Variants in GPR149 observed in about 807,000 individuals in gnomAD.
GPR149 encodes the protein probable G protein-coupled receptor 149.
In GPR149, 50 loss-of-function variants were observed where a neutral mutation model predicts 50.2. The observed-to-expected ratio is 1.00, with a 90% CI of 0.79 to 1.26. The LOEUF (loss-of-function observed/expected upper bound fraction) is 1.26. GPR149 is among the 50% of genes most tolerant of loss of function. GPR149 has a pLI of 0.00. For missense variants in GPR149, 983 were observed against 895.4 expected (o/e 1.10, Z -1.25); for synonymous variants, 405 against 358.2 (o/e 1.13, Z -1.48).
rs747837516 is a variant in GPR149 at position 154,427,662 on chromosome 3, A to C, written c.1028T>G (p.Leu343Trp). The C allele has an allele frequency of 6.2e-7, 1 of 1,614,158 alleles. No homozygotes were observed. The highest frequency in any genetic ancestry group is 1.7e-5 in the Admixed American group (1 of 60,022). ...QNVVGFQSLPLETFSFLLTLL... is the reference protein window; with the variant it reads ...QNVVGFQSLPWETFSFLLTLL... ...GGTAAGTAGAAAGCTGAATGTCTCCAAGGGAAGGCTCTGAAACCCCACGAC... is the reference window on the plus strand; with the variant it reads ...GGTAAGTAGAAAGCTGAATGTCTCCCAGGGAAGGCTCTGAAACCCCACGAC... Residue 343 changes from leucine (L) to tryptophan (W), a missense_variant, in exon 2 of 4, where the codon TTG becomes TGG. Leu to Trp is a moderately conservative substitution (Grantham distance 61). Transcript: ENST00000389740.
chr3:154,344,247 A>T (rs1713872004), intron 3 of GPR149, among the ~76,000 whole-genome samples: 1 of 152,198 alleles, frequency 6.6e-6, no homozygotes, highest in Non-Finnish European at 1.5e-5. Flanking sequence ...ATCTCAGGAA[A>T]CAATAACAAC....
At chr3:154,356,600 G>A (rs991551829) in intron 3 of GPR149, among the ~76,000 whole-genome samples, 29 of 152,058 alleles carry the variant, frequency 1.9e-4, no homozygotes, top group African/African-American at 3.6e-4. Context: ...AAGAGAATAA[G>A]ATACCTAGGA....
chr3:154,389,116 C>G (rs1715111242), intron 3 of GPR149, among the ~76,000 whole-genome samples: 1 of 152,136 alleles, frequency 6.6e-6, no homozygotes, highest in Non-Finnish European at 1.5e-5. Context: ...ACACTAGGCA[C>G]TATACTAGGC....
chr3:154,344,637 G>A (rs1488007245), intron 3 of GPR149, among the ~76,000 whole-genome samples: 3 of 152,108 alleles, frequency 2.0e-5, no homozygotes, highest in Admixed American at 2.0e-4. Context: ...AAATTTGGAC[G>A]CAGATGTACC....
intron 3 of GPR149, among the ~76,000 whole-genome samples, chr3:154,408,376 A>G (rs951363127): frequency 6.6e-6 from 1 of 152,190 alleles, no homozygotes; most frequent in Non-Finnish European, 1.5e-5. Flanking sequence ...TGAGACCCCA[A>G]AAACCTGTGA....
chr3:154,407,025 C>T lies in GPR149; in HGVS notation c.1623+14014G>A, dbSNP rs549567245. On this transcript the variant is annotated intron_variant, in intron 3 of 3. Coordinates refer to ENST00000389740, the MANE Select transcript of GPR149 (RefSeq NM_001038705.3). ...GAAAATCAAGTGAAAGGAGTTTCCCCTTATAAAACTGTCAGATATTGTGGG... is the reference window on the plus strand; with the variant it reads ...GAAAATCAAGTGAAAGGAGTTTCCCTTTATAAAACTGTCAGATATTGTGGG... Among the ~76,000 whole-genome samples, 3 of 152,218 alleles carry T rather than the reference C, an allele frequency of 2.0e-5. No individual in the cohort carries two copies. In the South Asian group the frequency reaches 6.2e-4, roughly 32 times the overall value.
chr3:154,422,230 TATG>T (rs995630517), intron 2 of GPR149, among the ~76,000 whole-genome samples: 4 of 151,536 alleles, frequency 2.6e-5, no homozygotes, highest in African/African-American at 7.2e-5. Flanking sequence ...TCAGGTGAAA[TATG>T]ATGAAATAAT....
At chr3:154,427,210 T>C (rs2108432611) in intron 2 of GPR149, among the ~76,000 whole-genome samples, 1 of 152,282 alleles carries the variant, frequency 6.6e-6, no homozygotes, top group African/African-American at 2.4e-5. Context: ...GGTGAATGTA[T>C]CATCTAAGTG....
At chr3:154,428,568 C>A (rs1284459012) in intron 1 of GPR149, 67 bp downstream of exon 1, 2 of 1,513,100 alleles carry the variant, frequency 1.3e-6, no homozygotes, top group Non-Finnish European at 8.9e-7. Context: ...CCGGCGACGC[C>A]GGTCCCAACA....
chr3:154,392,673 G>A (rs1007082064), intron 3 of GPR149, among the ~76,000 whole-genome samples: 4 of 150,556 alleles, frequency 2.7e-5, no homozygotes, highest in Admixed American at 2.6e-4. Flanking sequence ...AAACAAAATA[G>A]ACAAACCACT....
At chr3:154,348,351 T>C (rs907882839) in intron 3 of GPR149, among the ~76,000 whole-genome samples, 1 of 151,982 alleles carries the variant, frequency 6.6e-6, no homozygotes, top group Admixed American at 6.5e-5. Context: ...AGTTATATAT[T>C]GTCTATAAGA....
chr3:154,417,967 A>G (rs1356441242), intron 3 of GPR149, among the ~76,000 whole-genome samples: 2 of 152,096 alleles, frequency 1.3e-5, no homozygotes, highest in Non-Finnish European at 2.9e-5. Flanking sequence ...CAAATTTACA[A>G]GAAAAAAACA....
At position 154,427,646 on chromosome 3, in the gene GPR149, A is replaced by G; in HGVS notation, c.1044T>C (p.Phe348=). Residue 348 remains phenylalanine (F), a synonymous_variant, in exon 2 of 4, where the codon TTT becomes TTC. Coordinates refer to ENST00000389740, the MANE Select transcript of GPR149 (RefSeq NM_001038705.3). ...FQSLPLETFS[F]LLTLLATTVT... ...CAGTGGTGGCCAGCAGGGTAAGTAG[A>G]AAGCTGAATGTCTCCAAGGGAAGGC... is the stretch of plus-strand genomic sequence containing the variant. 1.2e-6 allele frequency: 2 copies of G among 1,614,214 alleles called. No individual in the cohort carries two copies. The highest frequency in any genetic ancestry group is 1.7e-6 in the Non-Finnish European group (2 of 1,180,032).
chr3:154,379,842 A>G (rs980757947), intron 3 of GPR149, among the ~76,000 whole-genome samples: 1 of 152,126 alleles, frequency 6.6e-6, no homozygotes, highest in East Asian at 1.9e-4. Context: ...CTGTGTCTTT[A>G]TAGCGAGTTT....
chr3:154,354,247 G>A (rs755108070), intron 3 of GPR149: 4 of 459,020 alleles, frequency 8.7e-6, no homozygotes, highest in African/African-American at 2.1e-5. Flanking sequence ...TGTCACTCCA[G>A]CACTGTGTAA....
At chr3:154,389,036 G>C (rs538525742) in intron 3 of GPR149, among the ~76,000 whole-genome samples, 26 of 152,186 alleles carry the variant, frequency 1.7e-4, no homozygotes, top group Admixed American at 6.5e-4. Context: ...GAAAATATGG[G>C]AGAAAGTGGT....
chr3:154,336,759 G>T lies in GPR149; in HGVS notation c.*940C>A, dbSNP rs1269469222. The T allele has an allele frequency of 6.6e-6, 1 of 152,040 alleles. No homozygotes were observed. Among genetic ancestry groups the T allele is most frequent in the East Asian group, 1.9e-4 (1 of 5,194 alleles). The allele number at this position is 152,040 out of a possible 1,614,324, so 9.4% of individuals were successfully genotyped here. A position where few individuals can be genotyped will look rare whatever the true frequency, so the allele number is the denominator to read the frequency against. ...TTCTATTTCAAGAATGACTAAGAAA[G>T]GTTGCCCAATCCTCAGCTTTAAAAA... is the stretch of plus-strand genomic sequence containing the variant. On this transcript the variant is annotated 3_prime_UTR_variant, in exon 4 of 4. Transcript: ENST00000389740.
chr3:154,367,345 C>A (rs55932810), intron 3 of GPR149, among the ~76,000 whole-genome samples: 27 of 151,354 alleles, frequency 1.8e-4, no homozygotes, highest in Non-Finnish European at 3.5e-4. Flanking sequence ...TTCCCCCCCC[C>A]GAAACTAAAA....
intron 3 of GPR149, chr3:154,353,408 G>A: frequency 8.8e-7 from 1 of 1,130,574 alleles, no homozygotes; most frequent in Non-Finnish European, 1.3e-6. Flanking sequence ...TGTAGGATTT[G>A]TGAATCACAT....
Sources: allele counts gnomAD v4.1 joint callset (sites outside exome capture counted in the v4.1 genomes callset), GRCh38; gene constraint gnomAD v4.1.1; transcripts MANE v1.5; gene names NCBI Gene and HGNC (gene_info 2026-07-23, HGNC 2026-07-21).